MOCOS: variants seen among roughly 807,000 people sequenced by gnomAD.
The protein encoded by MOCOS is human molybdenum cofactor sulfurase.
In MOCOS, 86 loss-of-function variants were observed where a neutral mutation model predicts 83.6. That is an observed-to-expected ratio of 1.03 (90% CI 0.86 to 1.23). MOCOS has a LOEUF of 1.23. Ranked by LOEUF, MOCOS falls within the 50% of genes most tolerant of loss-of-function variation. The pLI, the probability that MOCOS is intolerant of heterozygous loss-of-function variation, is 0.00. For synonymous variants in MOCOS, 445 were observed against 434.7 expected (o/e 1.02, Z -0.29); for missense variants, 1,120 against 1,126.9 (o/e 0.99, Z 0.09).
Position 36,200,019 on chromosome 18 carries a change from C to T in MOCOS, c.636C>T (p.Pro212=). The T allele has an allele frequency of 1.9e-6, 3 of 1,614,232 alleles. No homozygotes were observed. The highest frequency in any genetic ancestry group is 2.5e-6 in the Non-Finnish European group (3 of 1,180,044). The stretch of plus-strand genomic sequence containing the variant: ...GTAACTTTTCTGGAGTCAGATACCC[C>T]CTGTCCTGGATAGAAGAGGTCAAGT... ...AQSNFSGVRY[P]LSWIEEVKSG... is the part of the protein sequence containing the mutation. The change falls in exon 4 of 15, where the codon CCC becomes CCT. Residue 212 remains proline (P), a synonymous_variant. Coordinates refer to ENST00000261326, the MANE Select transcript of MOCOS (RefSeq NM_017947.4).
At chr18:36,237,728 T>C (rs1217732437) in intron 9 of MOCOS, among the ~76,000 whole-genome samples, 2 of 151,988 alleles carry the variant, frequency 1.3e-5, no homozygotes, top group Non-Finnish European at 2.9e-5. Context: ...TCCTTGTACC[T>C]GTGGTAGAAT....
chr18:36,205,222 A>C lies in MOCOS; in HGVS notation c.1164A>C (p.Pro388=). The change falls in exon 6 of 15, where the codon CCA becomes CCC. Residue 388 remains proline, a synonymous_variant. Transcript: ENST00000261326. ...SEFSSPEVQG[P]IINFNVLDDK... is the part of the protein sequence containing the mutation. Reference sequence around the variant, plus strand: ...TCAGCAGCCCTGAGGTTCAGGGCCCAATCATCAATTTTAATGTGCTGGATG... The same window carrying C: ...TCAGCAGCCCTGAGGTTCAGGGCCCCATCATCAATTTTAATGTGCTGGATG... 3.7e-6 allele frequency: 6 copies of C among 1,613,908 alleles called. No homozygotes were observed. Among genetic ancestry groups the C allele is most frequent in the Non-Finnish European group, 5.1e-6 (6 of 1,180,024 alleles).
Position 36,195,237 on chromosome 18 carries a change from T to G in MOCOS, c.143-20T>G. 6.2e-7 allele frequency: 1 copy of G among 1,606,082 alleles called. No homozygotes were observed. The highest frequency in any genetic ancestry group is 8.5e-7 in the Non-Finnish European group (1 of 1,173,100). ...CAGATTCAGGTAAAATTTTAGTATT[T>G]ATTTTGTGTTTTCTTTCAGGAACTG... On this transcript the variant is annotated intron_variant, in intron 1 of 14. Transcript: ENST00000261326.
At chr18:36,207,430 GT>G (rs887867798) in intron 6 of MOCOS, among the ~76,000 whole-genome samples, 8 of 151,224 alleles carry the variant, frequency 5.3e-5, no homozygotes, top group East Asian at 3.9e-4. Context: ...GTGTATAAGT[GT>G]TTTTTTTTAT....
chr18:36,233,558 T>C (rs995366866), intron 9 of MOCOS, among the ~76,000 whole-genome samples: 1 of 152,230 alleles, frequency 6.6e-6, no homozygotes, highest in Non-Finnish European at 1.5e-5. Flanking sequence ...TACCCAGTAG[T>C]AGGGTTGCTG....
chr18:36,202,372 T>A (rs2091417993), intron 4 of MOCOS, among the ~76,000 whole-genome samples: 1 of 152,188 alleles, frequency 6.6e-6, no homozygotes, highest in African/African-American at 2.4e-5. Context: ...GATGGGGTCT[T>A]GCTTTTTGTA....
chr18:36,259,245 C>G (rs1222654628), intron 12 of MOCOS, among the ~76,000 whole-genome samples: 1 of 151,758 alleles, frequency 6.6e-6, no homozygotes, highest in Non-Finnish European at 1.5e-5. Context: ...GAGTTCAAAC[C>G]CAGCCTGGGC....
intron 9 of MOCOS, among the ~76,000 whole-genome samples, chr18:36,221,925 G>A (rs369793784): frequency 1.6e-4 from 24 of 152,044 alleles, no homozygotes; most frequent in South Asian, 6.2e-4. Context: ...GGGTTTCTCC[G>A]TGTTGGTAAG....
intron 14 of MOCOS, 88 bp from the exon 15 acceptor site, chr18:36,268,445 A>G (rs895176580): frequency 6.4e-7 from 1 of 1,558,710 alleles, no homozygotes; most frequent in Non-Finnish European, 8.8e-7. Flanking sequence ...ATCTGACTTG[A>G]TTTTAGTTAA....
In MOCOS at chr18:36,271,237, C is replaced by G. The variant is rs2091698129; in HGVS notation, c.*2552C>G. On this transcript the variant is annotated 3_prime_UTR_variant, in exon 15 of 15. Transcript: ENST00000261326. Reference sequence around the variant, plus strand: ...ATCTGTTTTCACTAGACTGTAAGCTCCATGAGGACAAGTCCTGTGCCAGTA... The same window carrying G: ...ATCTGTTTTCACTAGACTGTAAGCTGCATGAGGACAAGTCCTGTGCCAGTA... 6.6e-6 allele frequency: 1 copy of G among 152,098 alleles called. No individual in the cohort carries two copies. Among genetic ancestry groups the G allele is most frequent in the Non-Finnish European group, 1.5e-5 (1 of 68,016 alleles). 9.4% of individuals were successfully genotyped at this position (152,098 alleles called of 1,614,324 possible). A position where few individuals can be genotyped will look rare whatever the true frequency, so the allele number is the denominator to read the frequency against.
At chr18:36,193,896 A>G (rs142095017) in intron 1 of MOCOS, among the ~76,000 whole-genome samples, 1 of 152,374 alleles carries the variant, frequency 6.6e-6, no homozygotes, top group Non-Finnish European at 1.5e-5. Flanking sequence ...CAATCCAAAT[A>G]TTCCTCAGTA....
chr18:36,193,943 A>G (rs1281947954), intron 1 of MOCOS, among the ~76,000 whole-genome samples: 1 of 152,262 alleles, frequency 6.6e-6, no homozygotes, highest in Non-Finnish European at 1.5e-5. Context: ...CATACAATGG[A>G]ATACTATTCT....
At chr18:36,228,971 AT>A (rs1186627951) in intron 9 of MOCOS, among the ~76,000 whole-genome samples, 1 of 152,028 alleles carries the variant, frequency 6.6e-6, no homozygotes, top group African/African-American at 2.4e-5. Context: ...GACTGCATAT[AT>A]TTTAACCTAT....
chr18:36,256,100 C>G (rs2091640573), intron 11 of MOCOS, among the ~76,000 whole-genome samples: 2 of 152,090 alleles, frequency 1.3e-5, no homozygotes, highest in African/African-American at 2.4e-5. Context: ...CCATGTTGGT[C>G]AGGCTGGTCT....
Position 36,268,847 on chromosome 18 carries a change from C to T in MOCOS, c.*162C>T, listed in dbSNP as rs1368231303. 1.5e-6 allele frequency: 1 copy of T among 677,172 alleles called. No individual in the cohort carries two copies. Among genetic ancestry groups the T allele is most frequent in the East Asian group, 2.7e-5 (1 of 36,636 alleles). 41.9% of individuals were successfully genotyped at this position (677,172 alleles called of 1,614,324 possible). A position where few individuals can be genotyped will look rare whatever the true frequency, so the allele number is the denominator to read the frequency against. ...CTTCCTTCTGCCTTTGACTTCTCACCCTGCAAATTTGCACTGGCTGTGCTC... is the reference window on the plus strand; with the variant it reads ...CTTCCTTCTGCCTTTGACTTCTCACTCTGCAAATTTGCACTGGCTGTGCTC... On this transcript the variant is annotated 3_prime_UTR_variant, in exon 15 of 15. Coordinates refer to ENST00000261326, the MANE Select transcript of MOCOS (RefSeq NM_017947.4).
intron 10 of MOCOS, among the ~76,000 whole-genome samples, chr18:36,249,973 G>A (rs937727202): frequency 6.6e-6 from 1 of 152,072 alleles, no homozygotes; most frequent in Non-Finnish European, 1.5e-5. Flanking sequence ...TAATAGCATT[G>A]CTATTTTGTT....
At chr18:36,228,726 T>G (rs1432562849) in intron 9 of MOCOS, among the ~76,000 whole-genome samples, 1 of 151,396 alleles carries the variant, frequency 6.6e-6, no homozygotes, top group Non-Finnish European at 1.5e-5. Flanking sequence ...AAATAACTAA[T>G]GAGTATTAGG....
At chr18:36,210,920 T>C (rs527814121) in intron 6 of MOCOS, among the ~76,000 whole-genome samples, 3 of 139,914 alleles carry the variant, frequency 2.1e-5, no homozygotes, top group African/African-American at 8.0e-5. Context: ...GGATTGGTAG[T>C]GGAGAAGAAG....
chr18:36,268,920 AGTGAGGCTCCT>A lies in MOCOS; in HGVS notation c.*238_*248del. 1 of 558,810 alleles carries A rather than the reference AGTGAGGCTCCT, an allele frequency of 1.8e-6. No individual in the cohort carries two copies. The highest frequency in any genetic ancestry group is 3.2e-6 in the Non-Finnish European group (1 of 314,442). The allele number at this position is 558,810 out of a possible 1,614,324, so 34.6% of individuals were successfully genotyped here. On this transcript the variant is annotated 3_prime_UTR_variant, in exon 15 of 15. Transcript: ENST00000261326. ...AGGAACGAATGCTGCACCCACATCC[AGTGAGGCTCCT>A]GTAGGTATTTGAAGTATAATCACTT...
Sources: gnomAD v4.1 joint callset for allele counts (sites outside exome capture counted in the v4.1 genomes callset) on GRCh38, gnomAD v4.1.1 for gene constraint, MANE v1.5 for transcripts, NCBI Gene and HGNC (gene_info 2026-07-23, HGNC 2026-07-21) for gene names.